Variants in NMBR observed in about 807,000 individuals in gnomAD.
The protein encoded by NMBR is neuromedin B receptor.
Under a neutral mutation model 20.5 loss-of-function variants are expected in NMBR, and 16 were observed. The ratio of observed to expected loss-of-function variants is 0.78; its 90% CI spans 0.53 to 1.19. The LOEUF (loss-of-function observed/expected upper bound fraction) is 1.19. Ranked by LOEUF, NMBR falls within the 50% of genes most tolerant of loss-of-function variation. NMBR has a pLI of 0.00. For synonymous variants in NMBR, 212 were observed against 196.6 expected (o/e 1.08, Z -0.65); for missense variants, 582 against 499.1 (o/e 1.17, Z -1.58).
chr6:142,125,192 CA>C (rs966675083), intron 1 of NMBR, among the ~76,000 whole-genome samples: 4 of 151,790 alleles, frequency 2.6e-5, no homozygotes, highest in African/African-American at 9.7e-5. Flanking sequence ...GACCTCTATT[CA>C]ACCCCACTTT....
rs1439640152 is a variant in NMBR at position 142,075,413 on chromosome 6, A to T, written c.*235T>A. ...TGTACATGTGTGTGTGCAAATACAT[A>T]TATATACATATATGTATTATATGTA... On this transcript the variant is annotated 3_prime_UTR_variant, in exon 4 of 4. Coordinates refer to ENST00000258042, the MANE Select transcript of NMBR (RefSeq NM_002511.4). Among the ~76,000 whole-genome samples the T allele has an allele frequency of 2.6e-5, 4 of 152,202 alleles. No homozygotes were observed. Among genetic ancestry groups the T allele is most frequent in the Non-Finnish European group, 2.9e-5 (2 of 68,008 alleles).
chr6:142,146,603 C>T (rs1016830872), intron 1 of NMBR, among the ~76,000 whole-genome samples: 1 of 151,668 alleles, frequency 6.6e-6, no homozygotes, highest in African/African-American at 2.4e-5. Flanking sequence ...TTGTTAATCA[C>T]TCTCCAGAAA....
At position 142,136,817 on chromosome 6, in the gene NMBR, A is replaced by G. The variant is rs1356991864; in HGVS notation, c.-664+10227T>C. 5.3e-5 allele frequency among the ~76,000 whole-genome samples: 8 copies of G among 152,232 alleles called. No individual in the cohort carries two copies. In the East Asian group the frequency reaches 1.2e-3, roughly 22 times the overall value. On this transcript the variant is annotated intron_variant, in intron 1 of 3. Coordinates refer to ENST00000258042, the MANE Select transcript of NMBR (RefSeq NM_002511.4). ...GATCAGATAGTTGTAGATATGCGGCAGTATTTCTGAGGGCTCTGTTCTGTT... is the reference window on the plus strand; with the variant it reads ...GATCAGATAGTTGTAGATATGCGGCGGTATTTCTGAGGGCTCTGTTCTGTT...
chr6:142,118,610 T>A (rs1777891774), intron 1 of NMBR, among the ~76,000 whole-genome samples: 1 of 152,066 alleles, frequency 6.6e-6, no homozygotes, highest in Admixed American at 6.6e-5. Flanking sequence ...TCAGCAGGCA[T>A]GAAATGTATT....
intron 1 of NMBR, among the ~76,000 whole-genome samples, chr6:142,094,457 T>G (rs1420198131): frequency 6.6e-6 from 1 of 152,154 alleles, no homozygotes; most frequent in African/African-American, 2.4e-5. Context: ...GATCAGATAG[T>G]TATAGACATG....
intron 3 of NMBR, 68 bp downstream of exon 3, chr6:142,078,487 A>C: frequency 1.1e-6 from 1 of 905,308 alleles, no homozygotes; most frequent in Non-Finnish European, 1.7e-6. Context: ...AAAGCCCACA[A>C]AATAAAACAA....
At chr6:142,104,358 T>C (rs1777618991) in intron 1 of NMBR, among the ~76,000 whole-genome samples, 1 of 152,224 alleles carries the variant, frequency 6.6e-6, no homozygotes, top group Non-Finnish European at 1.5e-5. Context: ...TTGAAGAAGG[T>C]TGAAAATCAT....
At chr6:142,107,129 G>A (rs1026427816) in intron 1 of NMBR, among the ~76,000 whole-genome samples, 3 of 152,096 alleles carry the variant, frequency 2.0e-5, no homozygotes, top group Admixed American at 1.3e-4. Context: ...AGCATGGATA[G>A]ATCTGAAAAA....
At chr6:142,140,201 AAAAC>A (rs1211823535) in intron 1 of NMBR, among the ~76,000 whole-genome samples, 6 of 152,136 alleles carry the variant, frequency 3.9e-5, no homozygotes, top group African/African-American at 9.6e-5. Context: ...AACATTTTAG[AAAAC>A]AAACAAAATA....
Position 142,133,178 on chromosome 6 carries a change from A to C in NMBR, c.-664+13866T>G, listed in dbSNP as rs1031128690. The C allele has an allele frequency of 8.7e-6, 6 of 687,870 alleles. No individual in the cohort carries two copies. The African/African-American group carries it at 8.8e-5, about 10-fold the overall frequency. The allele number at this position is 687,870 out of a possible 1,614,324, so 42.6% of individuals were successfully genotyped here. A position where few individuals can be genotyped will look rare whatever the true frequency, so the allele number is the denominator to read the frequency against. On this transcript the variant is annotated intron_variant, in intron 1 of 3. Transcript: ENST00000258042. ...TGAGACATGTCTCTAAATTACATCA[A>C]AAACTTCTATGAAGGATGTGTAAGT...
At chr6:142,131,349 G>T (rs1398166910) in intron 1 of NMBR, among the ~76,000 whole-genome samples, 1 of 152,124 alleles carries the variant, frequency 6.6e-6, no homozygotes, top group Admixed American at 6.5e-5. Flanking sequence ...TGACTTCACA[G>T]ATCCATCAAG....
At chr6:142,126,757 A>ATTTTTTTTTTT (rs34631481) in intron 1 of NMBR, among the ~76,000 whole-genome samples, 6 of 51,362 alleles carry the variant, frequency 1.2e-4, no homozygotes, top group Non-Finnish European at 2.1e-4. Flanking sequence ...TATTTGAGGG[A>ATTTTTTTTTTT]TTTTTTTTTT....
At chr6:142,126,593 AT>A (rs1250018000) in intron 1 of NMBR, among the ~76,000 whole-genome samples, 1 of 151,824 alleles carries the variant, frequency 6.6e-6, no homozygotes, top group East Asian at 1.9e-4. Flanking sequence ...TATAATAGCC[AT>A]TCTAACAGGT....
intron 2 of NMBR, among the ~76,000 whole-genome samples, chr6:142,085,543 A>T (rs944070888): frequency 2.0e-5 from 3 of 152,104 alleles, no homozygotes; most frequent in Non-Finnish European, 4.4e-5. Context: ...AAATATAATA[A>T]TAATCACAGA....
chr6:142,075,699 G>T lies in NMBR; in HGVS notation c.1122C>A (p.Thr374=). Residue 374 remains threonine, a synonymous_variant, in exon 4 of 4, where the codon ACC becomes ACA. Coordinates refer to ENST00000258042, the MANE Select transcript of NMBR (RefSeq NM_002511.4). ...TGTGCCCATTTAGTAAAACAGAATTGGTCACCATGTTCTTAGCATTGCTTT... is the reference window on the plus strand; with the variant it reads ...TGTGCCCATTTAGTAAAACAGAATTTGTCACCATGTTCTTAGCATTGCTTT... ...SLKSNAKNMV[T]NSVLLNGHSM... is the part of the protein sequence containing the mutation. 1 of 1,613,562 alleles carries T rather than the reference G, an allele frequency of 6.2e-7. No individual in the cohort carries two copies. The highest frequency in any genetic ancestry group is 1.3e-5 in the African/African-American group (1 of 74,994).
intron 1 of NMBR, among the ~76,000 whole-genome samples, chr6:142,107,421 C>A (rs1777681798): frequency 6.6e-6 from 1 of 152,048 alleles, no homozygotes; most frequent in African/African-American, 2.4e-5. Flanking sequence ...CAGTGGCAGA[C>A]AAATTAATAA....
In NMBR at chr6:142,075,958, T is replaced by TA. The variant is rs1562388379; in HGVS notation, c.862dup (p.Tyr288LeufsTer7). ...AATCTCATTATAGTTGAAAGACCGA[T>TA]ACATGTAAAGGATGTGGTTTGGAAA... On this transcript the variant is annotated frameshift_variant, in exon 4 of 4. Transcript: ENST00000258042. LOFTEE classifies it high-confidence loss of function. 7 of 1,613,892 alleles carry TA rather than the reference T, an allele frequency of 4.3e-6. No individual in the cohort carries two copies. The East Asian group carries it at 1.6e-4, about 36-fold the overall frequency.
intron 1 of NMBR, among the ~76,000 whole-genome samples, chr6:142,123,047 TA>T (rs1777972394): frequency 6.6e-6 from 1 of 151,978 alleles, no homozygotes; most frequent in South Asian, 2.1e-4. Context: ...ATTCTTCTGA[TA>T]GATCTGGTCA....
chr6:142,077,083 C>T (rs1181059182), intron 3 of NMBR, among the ~76,000 whole-genome samples: 1 of 152,198 alleles, frequency 6.6e-6, no homozygotes, highest in Non-Finnish European at 1.5e-5. Context: ...ACAATCAATC[C>T]TAAGAAAGTC....
Sources: allele counts gnomAD v4.1 joint callset (sites outside exome capture counted in the v4.1 genomes callset), GRCh38; gene constraint gnomAD v4.1.1; transcripts MANE v1.5; gene names NCBI Gene and HGNC (gene_info 2026-07-23, HGNC 2026-07-21).